Variants in DNHD1 observed in about 807,000 individuals in gnomAD.
DNHD1 encodes the protein dynein heavy chain domain-containing protein 1.
In DNHD1, 383 loss-of-function variants were observed where a neutral mutation model predicts 458.1. The ratio of observed to expected loss-of-function variants is 0.84; its 90% CI spans 0.77 to 0.91. The LOEUF is 0.91. Among genes scored for constraint, DNHD1 ranks in the 40% least tolerant of loss-of-function variants. DNHD1 has a pLI of 0.00. For synonymous variants in DNHD1, 2,203 were observed against 2,376.9 expected, an observed-to-expected ratio of 0.93 and a Z score of 2.13; for missense variants, 5,336 against 5,866.1, an observed-to-expected ratio of 0.91 and a Z score of 2.95.
At position 6,570,357 on chromosome 11, in the gene DNHD1, A is replaced by G. The variant is rs1391377985; in HGVS notation, c.13066A>G (p.Thr4356Ala). 1.2e-6 allele frequency: 2 copies of G among 1,611,834 alleles called. No homozygotes were observed. Among genetic ancestry groups the G allele is most frequent in the Non-Finnish European group, 1.7e-6 (2 of 1,179,128 alleles). Residue 4356 changes from threonine (T) to alanine (A), a missense_variant, in exon 41 of 43, where the codon ACA becomes GCA. Around this residue, in one of 4 missense-constraint regions of DNHD1, gnomAD observed 698 missense variants for 664.9 expected, o/e 1.05. Coordinates refer to ENST00000254579, the MANE Select transcript of DNHD1 (RefSeq NM_144666.3). ...PSSGSWVQPH[T>A]PQSLLATLMP... ...TAGTGGGAGCTGGGTCCAGCCACAC[A>G]CACCTCAGTCTTTGCTGGCCACGCT...
Position 6,538,420 on chromosome 11 carries a change from A to G in DNHD1, c.3036A>G (p.Thr1012=). 3 of 1,551,720 alleles carry G rather than the reference A, an allele frequency of 1.9e-6. No individual in the cohort carries two copies. Among genetic ancestry groups the G allele is most frequent in the Non-Finnish European group, 2.6e-6 (3 of 1,146,998 alleles). The change falls in exon 15 of 43, where the codon ACA becomes ACG. Residue 1012 remains threonine (T), a synonymous_variant. Coordinates refer to ENST00000254579, the MANE Select transcript of DNHD1 (RefSeq NM_144666.3). ...ETPVPLPICG[T]RPIVQQQRIW... Reference sequence around the variant, plus strand: ...CTGTGCCCTTGCCAATCTGTGGGACACGTCCTATTGTGCAGCAGCAGCGCA... The same window carrying G: ...CTGTGCCCTTGCCAATCTGTGGGACGCGTCCTATTGTGCAGCAGCAGCGCA...
At position 6,528,621 on chromosome 11, in the gene DNHD1, G is replaced by A; in HGVS notation, c.1937G>A (p.Gly646Glu). 1 of 1,551,734 alleles carries A rather than the reference G, an allele frequency of 6.4e-7. No homozygotes were observed. The highest frequency in any genetic ancestry group is 8.7e-7 in the Non-Finnish European group (1 of 1,147,000). ...AGCATCTTCTGTGGCCCGAATGTGG[G>A]ATTGGTGTGGCCCTGGAAGTCTCAC... ...AVSIFCGPNV[G>E]LVWPWKSHPI... Residue 646 changes from glycine to glutamate, a missense_variant, in exon 11 of 43, where the codon GGA becomes GAA. By Grantham distance (98) the Gly-to-Glu change is moderately conservative. This residue lies in a region of DNHD1 where 3,932 missense variants were observed against 4,365.6 expected (regional missense o/e 0.90). Transcript: ENST00000254579.
intron 7 of DNHD1, among the ~76,000 whole-genome samples, chr11:6,514,646 T>C (rs1377680702): frequency 6.6e-6 from 1 of 152,092 alleles, no homozygotes; most frequent in African/African-American, 2.4e-5. Context: ...GATAGTAAGA[T>C]AAACTCTCAC....
chr11:6,537,962 A>T (rs1036810421), intron 14 of DNHD1, among the ~76,000 whole-genome samples: 2 of 152,146 alleles, frequency 1.3e-5, no homozygotes, highest in African/African-American at 4.8e-5. Flanking sequence ...TTGTTTGAAC[A>T]AGGACTTGAA....
rs750706067 is a variant in DNHD1, at chr11:6,570,978, C to A, written c.13466C>A (p.Ala4489Asp). 1 of 1,604,396 alleles carries A rather than the reference C, an allele frequency of 6.2e-7. No homozygotes were observed. Among genetic ancestry groups the A allele is most frequent in the African/African-American group, 1.3e-5 (1 of 74,736 alleles). The change falls in exon 42 of 43, where the codon GCT (alanine) becomes GAT (aspartate). Residue 4489 changes from alanine to aspartate, a missense_variant. Coordinates refer to ENST00000254579, the MANE Select transcript of DNHD1 (RefSeq NM_144666.3). ...RPLEGVLETE[A>D]LELSQLVGTL... ...CTGGAGGGCGTCTTAGAGACCGAGG[C>A]TCTAGAACTGAGCCAGTTGGTGGGC...
In DNHD1 at chr11:6,546,442, G is replaced by A; in HGVS notation, c.5503G>A (p.Val1835Met). ...ATTGGCATTGCCTGATCTGCGGCAA[G>A]TGGCAGAGCTGACTCTGCTGGGTGC... ...VALALPDLRQ[V>M]AELTLLGAGM... The change falls in exon 21 of 43, where the codon GTG becomes ATG. Residue 1835 changes from valine to methionine, a missense_variant. By Grantham distance (21) the Val-to-Met change is conservative. This residue lies in a region of DNHD1 where 3,932 missense variants were observed against 4,365.6 expected (regional missense o/e 0.90). Transcript: ENST00000254579. 1.3e-6 allele frequency: 2 copies of A among 1,551,440 alleles called. No homozygotes were observed. Among genetic ancestry groups the A allele is most frequent in the Non-Finnish European group, 8.7e-7 (1 of 1,147,036 alleles).
At chr11:6,568,941 G>A (rs1037299200) in intron 39 of DNHD1, 75 bp downstream of exon 39, 2 of 1,452,598 alleles carry the variant, frequency 1.4e-6, no homozygotes, top group East Asian at 5.0e-5. Flanking sequence ...GCTGGGATGA[G>A]TAAAACTAAT....
Position 6,566,725 on chromosome 11 carries a change from T to A in DNHD1, c.11345T>A (p.Ile3782Asn), listed in dbSNP as rs1853709573. ...GAGACCCGCTGGCAGGACCTAAAGA[T>A]CAGAGCCCTAGATACCTGCAAGGCT... is the stretch of plus-strand genomic sequence containing the variant. The part of the protein sequence containing the change: ...ELETRWQDLK[I>N]RALDTCKAVE... The change falls in exon 35 of 43, where the codon ATC becomes AAC. Residue 3782 changes from isoleucine to asparagine, a missense_variant. Coordinates refer to ENST00000254579, the MANE Select transcript of DNHD1 (RefSeq NM_144666.3). 1 of 1,611,812 alleles carries A rather than the reference T, an allele frequency of 6.2e-7. No homozygotes were observed. The highest frequency in any genetic ancestry group is 8.5e-7 in the Non-Finnish European group (1 of 1,178,926).
Position 6,567,299 on chromosome 11 carries a change from A to C in DNHD1, c.11790A>C (p.Gln3930His), listed in dbSNP as rs1445069112. The part of the protein sequence containing the change: ...GSTVTALGLT[Q>H]VPLVGALGAL... Reference sequence around the variant, plus strand: ...CCGTGACTGCACTGGGCCTTACCCAAGTACCCTTGGTGGGTGCATTGGGCG... The same window carrying C: ...CCGTGACTGCACTGGGCCTTACCCACGTACCCTTGGTGGGTGCATTGGGCG... The change falls in exon 36 of 43, where the codon CAA becomes CAC. Residue 3930 changes from glutamine (Q) to histidine (H), a missense_variant. Coordinates refer to ENST00000254579, the MANE Select transcript of DNHD1 (RefSeq NM_144666.3). 2.0e-5 allele frequency: 32 copies of C among 1,614,064 alleles called. No homozygotes were observed. The highest frequency in any genetic ancestry group is 2.7e-5 in the Non-Finnish European group (32 of 1,179,900).
At position 6,539,864 on chromosome 11, in the gene DNHD1, C is replaced by T. The variant is rs1330704532; in HGVS notation, c.3421-12C>T. 7 of 1,551,484 alleles carry T rather than the reference C, an allele frequency of 4.5e-6. No homozygotes were observed. Among genetic ancestry groups the T allele is most frequent in the Non-Finnish European group, 6.1e-6 (7 of 1,146,882 alleles). On this transcript the variant is annotated splice_polypyrimidine_tract_variant and intron_variant, in intron 17 of 42. Coordinates refer to ENST00000254579, the MANE Select transcript of DNHD1 (RefSeq NM_144666.3). ...TTACCCAGTCCTGGTTCCTGAGACC[C>T]AGCTGTTCCAGGTCTGGCAGAATGA...
Position 6,528,585 on chromosome 11 carries a change from G to A in DNHD1, c.1901G>A (p.Ser634Asn). 2.6e-6 allele frequency: 4 copies of A among 1,551,716 alleles called. No individual in the cohort carries two copies. The highest frequency in any genetic ancestry group is 3.5e-6 in the Non-Finnish European group (4 of 1,146,962). ...FLMPKFQGQP[S>N]DAVSIFCGPN... is the part of the protein sequence containing the mutation. ...ATGCCCAAGTTCCAGGGCCAGCCCA[G>A]CGATGCTGTGAGCATCTTCTGTGGC... The change falls in exon 11 of 43, where the codon AGC (serine) becomes AAC (asparagine). Residue 634 changes from serine (S) to asparagine (N), a missense_variant. By Grantham distance (46) the Ser-to-Asn change is conservative (BLOSUM62 1). This residue lies in a region of DNHD1 where 3,932 missense variants were observed against 4,365.6 expected (regional missense o/e 0.90). Transcript: ENST00000254579.
At chr11:6,549,397 A>C (rs549880570) in intron 24 of DNHD1, among the ~76,000 whole-genome samples, 1 of 152,164 alleles carries the variant, frequency 6.6e-6, no homozygotes, top group Non-Finnish European at 1.5e-5. Context: ...TATTTCTTGA[A>C]TCTTTCCACT....
Position 6,544,651 on chromosome 11 carries a change from C to T in DNHD1, c.3832C>T (p.Gln1278Ter). ...TAAAGTTCTGCATGAGATGAAGATC[C>T]AGTTTCCTAATGCTGACCTGGTAGG... The part of the protein sequence containing the change: ...LNKVLHEMKI[Q>*]FPNADLNSRF... The change falls in exon 20 of 43, where the codon CAG becomes TAG. Residue 1278 changes from glutamine to a stop codon, truncating the protein, a stop_gained. Coordinates refer to ENST00000254579, the MANE Select transcript of DNHD1 (RefSeq NM_144666.3). LOFTEE classifies it high-confidence loss of function. 1 of 1,551,476 alleles carries T rather than the reference C, an allele frequency of 6.4e-7. No homozygotes were observed. The highest frequency in any genetic ancestry group is 8.7e-7 in the Non-Finnish European group (1 of 1,146,950).
Position 6,538,466 on chromosome 11 carries a change from A to T in DNHD1, c.3082A>T (p.Ile1028Phe), listed in dbSNP as rs1234692257. 2 of 1,551,784 alleles carry T rather than the reference A, an allele frequency of 1.3e-6. No individual in the cohort carries two copies. The highest frequency in any genetic ancestry group is 1.7e-6 in the Non-Finnish European group (2 of 1,147,010). Residue 1028 changes from isoleucine (I) to phenylalanine (F), a missense_variant, in exon 15 of 43, where the codon ATC (isoleucine) becomes TTC (phenylalanine). Physicochemically the swap from Ile to Phe is conservative, Grantham distance 21 (BLOSUM62 0). Around this residue, in one of 4 missense-constraint regions of DNHD1, gnomAD observed 3,932 missense variants for 4,365.6 expected, o/e 0.90. Transcript: ENST00000254579. ...GCGCATATGGCACCTGTACCGAGTCATCTCCGAAAACATCAGCGAGTGGAA... is the reference window on the plus strand; with the variant it reads ...GCGCATATGGCACCTGTACCGAGTCTTCTCCGAAAACATCAGCGAGTGGAA... ...QQRIWHLYRVISENISEWKCM... is the reference protein window; with the variant it reads ...QQRIWHLYRVFSENISEWKCM...
At chr11:6,502,155 G>A (rs2723621) in intron 3 of DNHD1, among the ~76,000 whole-genome samples, 1 of 152,150 alleles carries the variant, frequency 6.6e-6, no homozygotes, top group African/African-American at 2.4e-5. Context: ...CCAGAATGCA[G>A]AAGAGTAAGA....
rs370706078 is a variant in DNHD1 at position 6,547,118 on chromosome 11, G to T, written c.6179G>T (p.Arg2060Leu). Residue 2060 changes from arginine to leucine, a missense_variant, in exon 21 of 43, where the codon CGT becomes CTT. This residue lies in a region of DNHD1 where 3,932 missense variants were observed against 4,365.6 expected (regional missense o/e 0.90). Coordinates refer to ENST00000254579, the MANE Select transcript of DNHD1 (RefSeq NM_144666.3). ...CATGGCATCTTTCCCAAGGTACTTC[G>T]TGCAGCCGGTCAGTGTAACAACATG... ...WHHGIFPKVL[R>L]AAGQCNNMGQ... The T allele has an allele frequency of 1.3e-6, 2 of 1,551,730 alleles. No individual in the cohort carries two copies. Among genetic ancestry groups the T allele is most frequent in the East Asian group, 2.4e-5 (1 of 40,910 alleles).
rs751797324 is a variant in DNHD1, at chr11:6,529,008, C to T, written c.2234C>T (p.Thr745Met). The change falls in exon 12 of 43, where the codon ACG (threonine) becomes ATG (methionine). Residue 745 changes from threonine to methionine, a missense_variant. Thr to Met is a moderately conservative substitution (Grantham distance 81). Coordinates refer to ENST00000254579, the MANE Select transcript of DNHD1 (RefSeq NM_144666.3). ...MRGGPIKNYV[T>M]LVSRLNVWQA... ...GGTGGTCCCATCAAGAACTACGTGA[C>T]GCTGGTGAGCCGCCTGAATGTTTGG... 54 of 1,551,528 alleles carry T rather than the reference C, an allele frequency of 3.5e-5. No individual in the cohort carries two copies. Among genetic ancestry groups the T allele is most frequent in the Middle Eastern group, 3.4e-4 (2 of 5,848 alleles).
chr11:6,558,005 G>T lies in DNHD1; in HGVS notation c.8710G>T (p.Ala2904Ser). 1 of 1,551,698 alleles carries T rather than the reference G, an allele frequency of 6.4e-7. No homozygotes were observed. Among genetic ancestry groups the T allele is most frequent in the East Asian group, 2.4e-5 (1 of 40,924 alleles). ...TGGGCGCCACACTGCCATCACTCTG[G>T]CTTCTAGCATTTGTCAGGCCCATTT... ...GTGRHTAITL[A>S]SSICQAHFFH... is the part of the protein sequence containing the mutation. Residue 2904 changes from alanine to serine, a missense_variant, in exon 25 of 43, where the codon GCT becomes TCT. Ala to Ser is a moderately conservative substitution (Grantham distance 99). Around this residue, in one of 4 missense-constraint regions of DNHD1, gnomAD observed 3,932 missense variants for 4,365.6 expected, o/e 0.90. Transcript: ENST00000254579.
At position 6,544,880 on chromosome 11, in the gene DNHD1, C is replaced by T; in HGVS notation, c.3941C>T (p.Pro1314Leu). The part of the protein sequence containing the change: ...ADPMVLSLVV[P>L]SAERSPYFQG... ...CCCATGGTTCTGTCACTTGTAGTGCCCAGTGCCGAGAGGAGCCCTTACTTC... is the reference window on the plus strand; with the variant it reads ...CCCATGGTTCTGTCACTTGTAGTGCTCAGTGCCGAGAGGAGCCCTTACTTC... The change falls in exon 21 of 43, where the codon CCC (proline) becomes CTC (leucine). Residue 1314 changes from proline (P) to leucine (L), a missense_variant. Transcript: ENST00000254579. 6.4e-7 allele frequency: 1 copy of T among 1,551,662 alleles called. No homozygotes were observed. Among genetic ancestry groups the T allele is most frequent in the Admixed American group, 2.0e-5 (1 of 50,994 alleles).
Sources: allele counts gnomAD v4.1 joint callset (sites outside exome capture counted in the v4.1 genomes callset), GRCh38; gene constraint gnomAD v4.1.1; regional missense constraint gnomAD v4.1.1; transcripts MANE v1.5; gene names NCBI Gene and HGNC (gene_info 2026-07-23, HGNC 2026-07-21).